The following GTF2A1L variants were observed in gnomAD, a reference collection of about 807,000 sequenced individuals.
GTF2A1L encodes the protein TFIIA-alpha and beta-like factor.
Under a neutral mutation model 49.7 loss-of-function variants are expected in GTF2A1L, and 48 were observed. The observed-to-expected ratio is 0.97, with a 90% CI of 0.77 to 1.23. GTF2A1L has a LOEUF of 1.23. Among genes scored for constraint, GTF2A1L ranks in the 50% most tolerant of loss-of-function variants. The pLI is 0.00. For missense variants in GTF2A1L, 736 were observed against 564.8 expected (o/e 1.30, Z -3.07); for synonymous variants, 246 against 193.5 (o/e 1.27, Z -2.25).
chr2:48,666,345 A>G (rs1678839213), intron 6 of GTF2A1L, among the ~76,000 whole-genome samples: 1 of 152,054 alleles, frequency 6.6e-6, no homozygotes, highest in African/African-American at 2.4e-5. Flanking sequence ...AGCTGGGATT[A>G]CAGGCATGTG....
intron 8 of GTF2A1L, among the ~76,000 whole-genome samples, chr2:48,676,794 A>G (rs1679488897): frequency 6.6e-6 from 1 of 151,460 alleles, no homozygotes; most frequent in Non-Finnish European, 1.5e-5. Context: ...TTCTTCAAGT[A>G]TTTCATATAT....
chr2:48,675,063 C>T (rs576981144), intron 8 of GTF2A1L, among the ~76,000 whole-genome samples: 35 of 152,214 alleles, frequency 2.3e-4, no homozygotes, highest in South Asian at 1.9e-3. Flanking sequence ...AAAAACTTTC[C>T]AGTGCTGGTC....
At chr2:48,623,073 G>A (rs562511465) in intron 3 of GTF2A1L, among the ~76,000 whole-genome samples, 1 of 152,014 alleles carries the variant, frequency 6.6e-6, no homozygotes, top group Non-Finnish European at 1.5e-5. Context: ...CATTTATAAT[G>A]AAGAGGTTTC....
intron 8 of GTF2A1L, among the ~76,000 whole-genome samples, chr2:48,675,202 C>G (rs1679401025): frequency 6.6e-6 from 1 of 152,036 alleles, no homozygotes; most frequent in African/African-American, 2.4e-5. Context: ...TTTTGTTATG[C>G]CACTCTGCTA....
At chr2:48,668,963 C>T (rs889582476) in intron 6 of GTF2A1L, among the ~76,000 whole-genome samples, 7 of 152,078 alleles carry the variant, frequency 4.6e-5, no homozygotes, top group Non-Finnish European at 7.4e-5. Context: ...TAACCATCTA[C>T]GTGACCAGAG....
At chr2:48,638,554 A>C (rs897880072) in intron 3 of GTF2A1L, among the ~76,000 whole-genome samples, 5 of 152,196 alleles carry the variant, frequency 3.3e-5, no homozygotes, top group Admixed American at 2.0e-4. Flanking sequence ...TCAAGAAACT[A>C]GGTATTGAAG....
intron 6 of GTF2A1L, among the ~76,000 whole-genome samples, chr2:48,662,539 A>G (rs1678571845): frequency 1.3e-5 from 2 of 152,128 alleles, no homozygotes; most frequent in Admixed American, 1.3e-4. Context: ...AAGGGGATCC[A>G]TGGCAATAGG....
intron 6 of GTF2A1L, among the ~76,000 whole-genome samples, chr2:48,668,215 T>G (rs1002289920): frequency 5.9e-5 from 9 of 152,208 alleles, no homozygotes; most frequent in African/African-American, 2.2e-4. Context: ...GGATGGAAAG[T>G]CATCCTTTCC....
At chr2:48,672,765 G>A (rs1342715213) in intron 8 of GTF2A1L, among the ~76,000 whole-genome samples, 1 of 152,162 alleles carries the variant, frequency 6.6e-6, no homozygotes, top group Admixed American at 6.5e-5. Context: ...TATTCTTAAA[G>A]TGGCTTTGAG....
At chr2:48,638,453 TA>T (rs1677023804) in intron 3 of GTF2A1L, among the ~76,000 whole-genome samples, 1 of 152,010 alleles carries the variant, frequency 6.6e-6, no homozygotes, top group Non-Finnish European at 1.5e-5. Context: ...ATTCATCACA[TA>T]AACAAAACTA....
chr2:48,637,911 C>A (rs910919414), intron 3 of GTF2A1L, among the ~76,000 whole-genome samples: 45 of 152,092 alleles, frequency 3.0e-4, no homozygotes, highest in Admixed American at 2.9e-3. Context: ...ACTGACCCCA[C>A]AGAAATAAAA....
Position 48,663,868 on chromosome 2 carries a change from C to T in GTF2A1L, c.979-5854C>T, listed in dbSNP as rs541688919. Reference sequence around the variant, plus strand: ...ACTCAAGCGATCCTTTTGTCTTGTCCTCCCAAAGTGCTGAGATTACAGGCA... The same window carrying T: ...ACTCAAGCGATCCTTTTGTCTTGTCTTCCCAAAGTGCTGAGATTACAGGCA... On this transcript the variant is annotated intron_variant, in intron 6 of 8. Transcript: ENST00000403751. Among the ~76,000 whole-genome samples the T allele has an allele frequency of 3.3e-5, 5 of 152,258 alleles. 1 individual carries two copies. In the South Asian group the frequency reaches 8.3e-4, roughly 25 times the overall value.
At chr2:48,662,650 ATCTT>A (rs1158548105) in intron 6 of GTF2A1L, among the ~76,000 whole-genome samples, 6 of 124,088 alleles carry the variant, frequency 4.8e-5, no homozygotes, top group Non-Finnish European at 9.8e-5. Flanking sequence ...ATCTTGGTTG[ATCTT>A]TTTTTTTTTT....
rs1179483515 is a variant in GTF2A1L at position 48,625,787 on chromosome 2, C to T, written c.247+4497C>T. Among the ~76,000 whole-genome samples, 2 of 142,816 alleles carry T rather than the reference C, an allele frequency of 1.4e-5. 1 individual carries two copies. The highest frequency in any genetic ancestry group is 5.0e-5 in the African/African-American group (2 of 40,214). The allele number at this position is 142,816 out of a possible 152,430, so 93.7% of individuals were successfully genotyped here. On this transcript the variant is annotated intron_variant, in intron 3 of 8. Coordinates refer to ENST00000403751, the MANE Select transcript of GTF2A1L (RefSeq NM_006872.5). Reference sequence around the variant, plus strand: ...TTGTAGAGACCAGGTTTTGCTGTGTCGTCCAGGCTGGTCTTGAACTCTTGG... The same window carrying T: ...TTGTAGAGACCAGGTTTTGCTGTGTTGTCCAGGCTGGTCTTGAACTCTTGG...
chr2:48,642,438 G>A lies in GTF2A1L; in HGVS notation c.284G>A (p.Ser95Asn). The A allele has an allele frequency of 6.3e-7, 1 of 1,593,004 alleles. No homozygotes were observed. Residue 95 changes from serine (S) to asparagine (N), a missense_variant, in exon 4 of 9, where the codon AGT becomes AAT. Ser to Asn is a conservative substitution (Grantham distance 46, BLOSUM62 1). Coordinates refer to ENST00000403751, the MANE Select transcript of GTF2A1L (RefSeq NM_006872.5). ...ATTCCTGCTGGTAGAACTCTTCCAA[G>A]TTTTACCACAGCAGAACTGGTATGT... Reference protein sequence around the residue: ...LVIPAGRTLPSFTTAELGTSN... With the variant: ...LVIPAGRTLPNFTTAELGTSN...
chr2:48,618,856 A>G (rs1675812744), intron 1 of GTF2A1L, among the ~76,000 whole-genome samples: 1 of 152,180 alleles, frequency 6.6e-6, no homozygotes, highest in Admixed American at 6.5e-5. Flanking sequence ...AAGAGAAAAT[A>G]TGTTCAATAC....
rs759248041 is a variant in GTF2A1L at position 48,625,476 on chromosome 2, A to T, written c.247+4186A>T. Among the ~76,000 whole-genome samples, 67 of 144,296 alleles carry T rather than the reference A, an allele frequency of 4.6e-4. 11 individuals are homozygous for T. The highest frequency in any genetic ancestry group is 8.3e-4 in the Non-Finnish European group (53 of 64,128). 94.7% of individuals were successfully genotyped at this position (144,296 alleles called of 152,430 possible). A position where few individuals can be genotyped will look rare whatever the true frequency, so the allele number is the denominator to read the frequency against. On this transcript the variant is annotated intron_variant, in intron 3 of 8. Coordinates refer to ENST00000403751, the MANE Select transcript of GTF2A1L (RefSeq NM_006872.5). ...TTGGATATTAAGCCCTTTATCAGAT[A>T]TATGGTTTGCAAATATTTTCTCCGT...
chr2:48,636,014 T>G (rs1477352924), intron 3 of GTF2A1L, among the ~76,000 whole-genome samples: 2 of 152,210 alleles, frequency 1.3e-5, no homozygotes, highest in Admixed American at 6.5e-5. Context: ...GGGCTTCACT[T>G]ACTTTTATCA....
At chr2:48,670,370 A>C (rs1191705008) in intron 7 of GTF2A1L, among the ~76,000 whole-genome samples, 1 of 148,126 alleles carries the variant, frequency 6.8e-6, no homozygotes, top group Non-Finnish European at 1.5e-5. Context: ...GTGACAGAGC[A>C]AGACTCTTTA....
Sources: gnomAD v4.1 joint callset for allele counts (sites outside exome capture counted in the v4.1 genomes callset) on GRCh38, gnomAD v4.1.1 for gene constraint, MANE v1.5 for transcripts, NCBI Gene and HGNC (gene_info 2026-07-23, HGNC 2026-07-21) for gene names.